HBS1L: variants seen among roughly 807,000 people sequenced by gnomAD.
HBS1L encodes the protein HBS1-like protein.
HBS1L carries 55 observed loss-of-function variants against 88.9 expected under a neutral mutation model. The observed-to-expected ratio is 0.62, with a 90% CI of 0.50 to 0.77. The LOEUF (loss-of-function observed/expected upper bound fraction) is 0.77, where lower values mean the gene tolerates loss of function less well. HBS1L is among the 30% of genes least tolerant of loss of function. The pLI, the probability that HBS1L is intolerant of heterozygous loss-of-function variation, is 0.00. For synonymous variants in HBS1L, 267 were observed against 288.5 expected (o/e 0.93, Z 0.76); for missense variants, 741 against 829.3 (o/e 0.89, Z 1.31).
Position 135,036,208 on chromosome 6 carries a change from A to C in HBS1L, c.430+3365T>G, listed in dbSNP as rs1047737860. 2.7e-5 allele frequency: 25 copies of C among 939,578 alleles called. No individual in the cohort carries two copies. The African/African-American group carries it at 4.4e-4, about 17-fold the overall frequency. 58.2% of individuals were successfully genotyped at this position (939,578 alleles called of 1,614,324 possible). A position where few individuals can be genotyped will look rare whatever the true frequency, so the allele number is the denominator to read the frequency against. On this transcript the variant is annotated intron_variant, in intron 4 of 17. Coordinates refer to ENST00000367837, the MANE Select transcript of HBS1L (RefSeq NM_006620.4). ...CAAGTGCTGGCATTTTCGTTTAAGA[A>C]CAAAGCACAAAAATATTTCATAGAA...
chr6:135,004,840 A>G (rs1369896408), intron 4 of HBS1L, among the ~76,000 whole-genome samples: 2 of 152,366 alleles, frequency 1.3e-5, no homozygotes, highest in South Asian at 2.1e-4. Flanking sequence ...GCATCAGCAC[A>G]TAATTGGTAA....
intron 4 of HBS1L, among the ~76,000 whole-genome samples, chr6:135,029,376 T>TAC (rs1353123606): frequency 6.6e-6 from 1 of 151,020 alleles, no homozygotes; most frequent in Non-Finnish European, 1.5e-5. Context: ...TACATACACA[T>TAC]ACACACACAC....
intron 4 of HBS1L, among the ~76,000 whole-genome samples, chr6:135,023,737 T>C (rs1776141460): frequency 6.6e-6 from 1 of 152,156 alleles, no homozygotes; most frequent in Admixed American, 6.5e-5. Flanking sequence ...AAAGCACACC[T>C]TGTCAAAAAT....
At chr6:135,042,199 G>A (rs970984621) in intron 2 of HBS1L, 73 bp from the exon 3 acceptor site, 2 of 1,392,826 alleles carry the variant, frequency 1.4e-6, no homozygotes, top group Admixed American at 2.5e-5. Flanking sequence ...AAAAGTTAAA[G>A]TAAAAATTAA....
chr6:135,041,107 C>T (rs1776720324), intron 3 of HBS1L, among the ~76,000 whole-genome samples: 1 of 151,782 alleles, frequency 6.6e-6, no homozygotes, highest in African/African-American at 2.4e-5. Flanking sequence ...TGTACATGCT[C>T]ATATGCTGAA....
At chr6:135,029,388 TAC>T (rs768156024) in intron 4 of HBS1L, among the ~76,000 whole-genome samples, 29 of 151,462 alleles carry the variant, frequency 1.9e-4, no homozygotes, top group African/African-American at 5.3e-4. Context: ...CACACACACA[TAC>T]ACAGACACAT....
intron 17 of HBS1L, among the ~76,000 whole-genome samples, chr6:134,965,959 C>T (rs931952132): frequency 2.0e-5 from 3 of 151,982 alleles, no homozygotes; most frequent in Non-Finnish European, 4.4e-5. Flanking sequence ...TAATGAAGTA[C>T]CCTTTAAAAT....
intron 6 of HBS1L, among the ~76,000 whole-genome samples, chr6:134,997,166 C>A (rs142805310): frequency 2.0e-5 from 3 of 152,062 alleles, no homozygotes; most frequent in Non-Finnish European, 4.4e-5. Flanking sequence ...CAACAAGACA[C>A]GCCAATTTCA....
intron 13 of HBS1L, 25 bp downstream of exon 13, chr6:134,982,433 G>C (rs1355570571): frequency 6.9e-7 from 1 of 1,439,492 alleles, no homozygotes; most frequent in South Asian, 1.2e-5. Context: ...GGCTTGTTTA[G>C]CAAAAGCATC....
intron 4 of HBS1L, among the ~76,000 whole-genome samples, chr6:135,026,286 G>C (rs1052063229): frequency 5.9e-5 from 9 of 152,208 alleles, no homozygotes; most frequent in African/African-American, 2.2e-4. Flanking sequence ...AAATAGAAAA[G>C]GGGTAAATTG....
rs182523156 is a variant in HBS1L, at chr6:135,007,806, A to G, written c.431-4964T>C. ...ACAACTGGAAATTCATTCACCATTT[A>G]ACAATCCCAAGAAATTGAACACTAA... On this transcript the variant is annotated intron_variant, in intron 4 of 17. Coordinates refer to ENST00000367837, the MANE Select transcript of HBS1L (RefSeq NM_006620.4). Among the ~76,000 whole-genome samples the G allele has an allele frequency of 2.0e-3, 308 of 152,358 alleles. 1 individual carries two copies. The highest frequency in any genetic ancestry group is 7.3e-3 in the African/African-American group (304 of 41,578).
chr6:134,968,113 G>T (rs1774369543), intron 16 of HBS1L, among the ~76,000 whole-genome samples: 2 of 152,076 alleles, frequency 1.3e-5, no homozygotes, highest in African/African-American at 4.8e-5. Context: ...AGGTGTAAAA[G>T]ATGAGGAACA....
At chr6:135,022,232 T>A (rs1381262668) in intron 4 of HBS1L, among the ~76,000 whole-genome samples, 1 of 151,608 alleles carries the variant, frequency 6.6e-6, no homozygotes, top group African/African-American at 2.4e-5. Flanking sequence ...GCAGTAAAAA[T>A]AATTTTTTAC....
chr6:134,996,379 T>C (rs1462177806), intron 7 of HBS1L, among the ~76,000 whole-genome samples: 1 of 152,214 alleles, frequency 6.6e-6, no homozygotes, highest in Non-Finnish European at 1.5e-5. Context: ...AGAGGTTTTA[T>C]GACAGTTACC....
At chr6:135,035,117 C>T (rs1322133754) in intron 4 of HBS1L, among the ~76,000 whole-genome samples, 1 of 152,104 alleles carries the variant, frequency 6.6e-6, no homozygotes, top group Admixed American at 6.5e-5. Context: ...ACACAACTGT[C>T]AGTAGCAAAA....
intron 4 of HBS1L, among the ~76,000 whole-genome samples, chr6:135,003,432 T>C (rs1379002078): frequency 6.6e-6 from 1 of 152,070 alleles, no homozygotes; most frequent in East Asian, 1.9e-4. Flanking sequence ...TCAGGCATGG[T>C]GACATGTGCC....
intron 4 of HBS1L, 89 bp from the exon 5 acceptor site, chr6:135,002,931 G>T (rs1775505858): frequency 1.3e-6 from 1 of 752,174 alleles, no homozygotes; most frequent in Admixed American, 2.5e-5. Context: ...TATAGATTAT[G>T]ATAACTTTCA....
chr6:135,017,992 C>CAA (rs35746876), intron 4 of HBS1L, among the ~76,000 whole-genome samples: 5 of 147,000 alleles, frequency 3.4e-5, no homozygotes, highest in African/African-American at 7.6e-5. Flanking sequence ...AACAAACAAA[C>CAA]AAAAAAAAAA....
intron 1 of HBS1L, 115 bp downstream of exon 1, chr6:135,054,534 C>A: frequency 8.1e-7 from 1 of 1,239,786 alleles, no homozygotes; most frequent in Non-Finnish European, 1.2e-6. Context: ...TGGGGCTCTC[C>A]CAATCCCGAC....
Sources: gnomAD v4.1 joint callset for allele counts (sites outside exome capture counted in the v4.1 genomes callset) on GRCh38, gnomAD v4.1.1 for gene constraint, MANE v1.5 for transcripts, NCBI Gene and HGNC (gene_info 2026-07-23, HGNC 2026-07-21) for gene names.